Variants in RAPGEF4 observed in about 807,000 individuals in gnomAD.
RAPGEF4 encodes the protein Rap guanine nucleotide exchange factor 4.
A neutral mutation model predicts 147.9 loss-of-function variants in RAPGEF4; 66 were observed. The ratio of observed to expected loss-of-function variants is 0.45; its 90% CI spans 0.37 to 0.55. The LOEUF (loss-of-function observed/expected upper bound fraction) is 0.55, where lower values mean the gene tolerates loss of function less well. Ranked by LOEUF, RAPGEF4 falls within the 20% of genes least tolerant of loss-of-function variation. RAPGEF4 has a pLI of 0.00. For missense variants in RAPGEF4, 1,071 were observed against 1,257.3 expected (o/e 0.85, Z 2.24); for synonymous variants, 419 against 442.7 (o/e 0.95, Z 0.67).
intron 1 of RAPGEF4, among the ~76,000 whole-genome samples, chr2:172,753,264 G>A (rs936201202): frequency 1.1e-4 from 17 of 152,016 alleles, no homozygotes; most frequent in African/African-American, 2.7e-4. Flanking sequence ...TAGGGAAATA[G>A]TGTAGGTATT....
intron 4 of RAPGEF4, among the ~76,000 whole-genome samples, chr2:172,863,380 T>C (rs1411367514): frequency 6.6e-6 from 1 of 152,210 alleles, no homozygotes; most frequent in Admixed American, 6.5e-5. Flanking sequence ...TTGCTTAAAA[T>C]GGCAAATCTA....
At chr2:172,822,728 C>T (rs16860947) in intron 4 of RAPGEF4, among the ~76,000 whole-genome samples, 1,764 of 152,238 alleles carry the variant, frequency 0.012, 35 homozygotes, top group African/African-American at 0.038. Context: ...AACTAGTTTC[C>T]GAAATGCTTC....
intron 4 of RAPGEF4, among the ~76,000 whole-genome samples, chr2:172,862,125 C>T (rs1694116726): frequency 6.6e-6 from 1 of 152,124 alleles, no homozygotes; most frequent in South Asian, 2.1e-4. Flanking sequence ...GATCAGAGTA[C>T]ATTAAAAGGC....
At chr2:172,938,242 C>CACAG (rs965618773) in intron 6 of RAPGEF4, among the ~76,000 whole-genome samples, 2 of 151,830 alleles carry the variant, frequency 1.3e-5, no homozygotes, top group Admixed American at 6.6e-5. Flanking sequence ...CACACACACA[C>CACAG]ACAGACAACC....
At chr2:172,816,694 C>T (rs886846953) in intron 4 of RAPGEF4, among the ~76,000 whole-genome samples, 1 of 152,182 alleles carries the variant, frequency 6.6e-6, no homozygotes, top group African/African-American at 2.4e-5. Context: ...AACTCTTCCC[C>T]TGTAACCTCA....
At chr2:172,839,095 A>G (rs2149696530) in intron 4 of RAPGEF4, among the ~76,000 whole-genome samples, 1 of 152,152 alleles carries the variant, frequency 6.6e-6, no homozygotes, top group South Asian at 2.1e-4. Flanking sequence ...TTTACTTTTA[A>G]TGAAATAAAT....
intron 4 of RAPGEF4, among the ~76,000 whole-genome samples, chr2:172,886,760 A>AT (rs146421699): frequency 0.078 from 11,007 of 141,182 alleles, 496 homozygotes; most frequent in South Asian, 0.15. Context: ...AGATTTTACT[A>AT]TTTTTTTTTC....
At chr2:172,776,860 A>G (rs1034828214) in intron 1 of RAPGEF4, among the ~76,000 whole-genome samples, 1 of 152,050 alleles carries the variant, frequency 6.6e-6, no homozygotes, top group Non-Finnish European at 1.5e-5. Context: ...ATCTTTAAAC[A>G]TATTTATTAT....
In RAPGEF4 at chr2:172,773,646, C is replaced by G. The variant is rs190929317; in HGVS notation, c.66-21379C>G. ...ACACTGCCTCCCTGCCCCACACTGC[C>G]CCCCCCGCGGACCATCCTACCCAAC... On this transcript the variant is annotated intron_variant, in intron 1 of 30. Coordinates refer to ENST00000397081, the MANE Select transcript of RAPGEF4 (RefSeq NM_007023.4). Among the ~76,000 whole-genome samples, 38 of 151,608 alleles carry G rather than the reference C, an allele frequency of 2.5e-4. No individual in the cohort carries two copies. The East Asian group carries it at 7.2e-3, about 29-fold the overall frequency.
intron 6 of RAPGEF4, among the ~76,000 whole-genome samples, chr2:172,938,097 G>A (rs1686778934): frequency 6.6e-6 from 1 of 152,076 alleles, no homozygotes; most frequent in African/African-American, 2.4e-5. Flanking sequence ...AATGGTGTTA[G>A]CAAGATCTTG....
chr2:173,033,836 C>T (rs776378434), intron 26 of RAPGEF4, 78 bp from the exon 27 acceptor site: 9 of 1,340,270 alleles, frequency 6.7e-6, no homozygotes, highest in Non-Finnish European at 9.5e-6. Flanking sequence ...ATATATTTCC[C>T]CTAGAAATGG....
chr2:172,774,809 C>T (rs1417930744), intron 1 of RAPGEF4, among the ~76,000 whole-genome samples: 1 of 152,230 alleles, frequency 6.6e-6, no homozygotes, highest in Non-Finnish European at 1.5e-5. Context: ...TCTGGTTCTT[C>T]CTTGTAATTC....
intron 4 of RAPGEF4, among the ~76,000 whole-genome samples, chr2:172,862,898 C>G (rs1451311599): frequency 6.6e-6 from 1 of 152,058 alleles, no homozygotes; most frequent in Non-Finnish European, 1.5e-5. Context: ...TATCATTTAC[C>G]CCGTGGACTG....
intron 1 of RAPGEF4, among the ~76,000 whole-genome samples, chr2:172,782,252 A>C (rs961450190): frequency 1.3e-5 from 2 of 152,240 alleles, no homozygotes; most frequent in African/African-American, 4.8e-5. Context: ...TCCCTGTTAA[A>C]AATGTGTTCC....
At position 172,967,138 on chromosome 2, in the gene RAPGEF4, C is replaced by T. The variant is rs928854296; in HGVS notation, c.821-123C>T. 2.2e-5 allele frequency: 20 copies of T among 930,234 alleles called. 1 individual carries two copies. The highest frequency in any genetic ancestry group is 1.6e-4 in the South Asian group (10 of 60,658). The allele number at this position is 930,234 out of a possible 1,614,324, so 57.6% of individuals were successfully genotyped here. On this transcript the variant is annotated intron_variant, in intron 9 of 30. Transcript: ENST00000397081. ...TCTGGGCAGGGCAGAGTGAGAAGGG[C>T]GAGGAGGCTCCCGGCTTTGCTGCCA...
At position 173,050,042 on chromosome 2, in the gene RAPGEF4, T is replaced by C. The variant is rs150494760; in HGVS notation, c.2908+1388T>C. Among the ~76,000 whole-genome samples the C allele has an allele frequency of 2.3e-3, 343 of 152,318 alleles. 2 individuals carry two copies. The highest frequency in any genetic ancestry group is 4.5e-3 in the Non-Finnish European group (304 of 68,042). On this transcript the variant is annotated intron_variant, in intron 30 of 30. Coordinates refer to ENST00000397081, the MANE Select transcript of RAPGEF4 (RefSeq NM_007023.4). The stretch of plus-strand genomic sequence containing the variant: ...CTCAAGAACCATAAAATAATATGCT[T>C]TGTTTTATGAGCTTCTTTGGAAGTA...
In RAPGEF4 at chr2:172,818,182, G is replaced by A. The variant is rs190692618; in HGVS notation, c.444+3757G>A. On this transcript the variant is annotated intron_variant, in intron 4 of 30. Coordinates refer to ENST00000397081, the MANE Select transcript of RAPGEF4 (RefSeq NM_007023.4). ...TGACACAATGGACTTTGGGGACTTG[G>A]GGGAAAGGGGAGAGAGGGGTGAAGG... is the stretch of plus-strand genomic sequence containing the variant. 1.8e-3 allele frequency among the ~76,000 whole-genome samples: 267 copies of A among 151,852 alleles called. 7 individuals are homozygous for A. Among genetic ancestry groups the A allele is most frequent in the Admixed American group, 0.017 (252 of 15,216 alleles).
chr2:173,035,258 C>A (rs951476385), intron 27 of RAPGEF4, among the ~76,000 whole-genome samples: 1 of 151,860 alleles, frequency 6.6e-6, no homozygotes, highest in African/African-American at 2.4e-5. Flanking sequence ...CCTATAATCC[C>A]AGCACTTTGG....
chr2:172,985,844 G>A (rs530158565), intron 12 of RAPGEF4, among the ~76,000 whole-genome samples: 1 of 152,272 alleles, frequency 6.6e-6, no homozygotes, highest in South Asian at 2.1e-4. Context: ...ACCTCATTTC[G>A]TTCATAGCTT....
Sources: gnomAD v4.1 joint callset for allele counts (sites outside exome capture counted in the v4.1 genomes callset) on GRCh38, gnomAD v4.1.1 for gene constraint, MANE v1.5 for transcripts, NCBI Gene and HGNC (gene_info 2026-07-23, HGNC 2026-07-21) for gene names.